SMCHD1: variants seen among roughly 807,000 people sequenced by gnomAD.
SMCHD1 encodes the protein structural maintenance of chromosomes flexible hinge domain containing 1.
A neutral mutation model predicts 254.7 loss-of-function variants in SMCHD1; 78 were observed. The ratio of observed to expected loss-of-function variants is 0.31; its 90% CI spans 0.26 to 0.37. The LOEUF is 0.37. Among genes scored for constraint, SMCHD1 ranks in the 10% least tolerant of loss-of-function variants. The pLI is 1.00. For missense variants in SMCHD1, 1,840 were observed against 2,408.1 expected, an observed-to-expected ratio of 0.76 and a Z score of 4.94; for synonymous variants, 766 against 794.9, an observed-to-expected ratio of 0.96 and a Z score of 0.61.
chr18:2,722,533 A>G lies in SMCHD1; in HGVS notation c.2473A>G (p.Lys825Glu). Residue 825 changes from lysine (K) to glutamate (E), a missense_variant, in exon 20 of 48, where the codon AAA becomes GAA. Lys to Glu is a moderately conservative substitution (Grantham distance 56, BLOSUM62 1). Around this residue, in one of 9 missense-constraint regions of SMCHD1, gnomAD observed 59 missense variants for 99.2 expected, o/e 0.59. Coordinates refer to ENST00000320876, the MANE Select transcript of SMCHD1 (RefSeq NM_015295.3). The stretch of plus-strand genomic sequence containing the variant: ...TTTTGTTAAAGAGGGTAAGCCAGAG[A>G]AATTTTCATTTGGTCTTCTGGATCT... Reference protein sequence around the residue: ...KFSVKEGKPEKFSFGLLDLPF... With the variant: ...KFSVKEGKPEEFSFGLLDLPF... The G allele has an allele frequency of 1.9e-6, 3 of 1,612,290 alleles. No individual in the cohort carries two copies. Among genetic ancestry groups the G allele is most frequent in the Non-Finnish European group, 1.7e-6 (2 of 1,179,264 alleles).
chr18:2,784,099 A>T (rs1265462310), intron 44 of SMCHD1, among the ~76,000 whole-genome samples: 1 of 152,186 alleles, frequency 6.6e-6, no homozygotes, highest in Non-Finnish European at 1.5e-5. Flanking sequence ...ACTTAAATCT[A>T]ACAGAGGAAA....
intron 13 of SMCHD1, among the ~76,000 whole-genome samples, chr18:2,704,681 G>T (rs2074476467): frequency 6.6e-6 from 1 of 150,590 alleles, no homozygotes; most frequent in Admixed American, 6.7e-5. Context: ...CTTTGGAAAA[G>T]AAGTAACATT....
chr18:2,802,402 A>C (rs765187737), intron 47 of SMCHD1, 126 bp from the exon 48 acceptor site: 3 of 698,690 alleles, frequency 4.3e-6, no homozygotes, highest in African/African-American at 1.8e-5. Flanking sequence ...AAATCTGTTT[A>C]TACCAAGAAT....
chr18:2,673,375 A>G lies in SMCHD1; in HGVS notation c.507+12A>G. 1 of 1,460,148 alleles carries G rather than the reference A, an allele frequency of 6.8e-7. No homozygotes were observed. Among genetic ancestry groups the G allele is most frequent in the South Asian group, 1.5e-5 (1 of 67,642 alleles). The allele number at this position is 1,460,148 out of a possible 1,614,324, so 90.4% of individuals were successfully genotyped here. A position where few individuals can be genotyped will look rare whatever the true frequency, so the allele number is the denominator to read the frequency against. The stretch of plus-strand genomic sequence containing the variant: ...TACAGATCAAATTGGTAAGGAAATA[A>G]TACTGTAAAGCAATTTAACTTTTCC... On this transcript the variant is annotated intron_variant, in intron 4 of 47. Coordinates refer to ENST00000320876, the MANE Select transcript of SMCHD1 (RefSeq NM_015295.3).
At chr18:2,777,746 T>C in intron 42 of SMCHD1, 60 bp from the exon 43 acceptor site, 2 of 918,224 alleles carry the variant, frequency 2.2e-6, no homozygotes, top group African/African-American at 3.3e-5. Context: ...CCATATTGTC[T>C]TTTTTTAAAT....
chr18:2,748,375 T>TGG, intron 30 of SMCHD1, among the ~76,000 whole-genome samples: 1 of 46,470 alleles, frequency 2.2e-5, no homozygotes, highest in Admixed American at 2.7e-4. Flanking sequence ...TGTGTGTGTG[T>TGG]GTGTGTGTAT....
At chr18:2,781,090 AG>A (rs1382641827) in intron 44 of SMCHD1, among the ~76,000 whole-genome samples, 1 of 152,190 alleles carries the variant, frequency 6.6e-6, no homozygotes, top group African/African-American at 2.4e-5. Flanking sequence ...GAGGGGCTTT[AG>A]GATAGGAGAC....
chr18:2,705,384 A>G (rs2074490395), intron 13 of SMCHD1, among the ~76,000 whole-genome samples: 1 of 152,166 alleles, frequency 6.6e-6, no homozygotes, highest in African/African-American at 2.4e-5. Context: ...TGGGGAAAAA[A>G]GGTTTCAGAT....
chr18:2,658,251 T>G (rs987006428), intron 1 of SMCHD1, among the ~76,000 whole-genome samples: 1 of 152,236 alleles, frequency 6.6e-6, no homozygotes, highest in African/African-American at 2.4e-5. Flanking sequence ...CCTCTAGAAA[T>G]GCACTATTTC....
chr18:2,699,552 G>A (rs1241720839), intron 10 of SMCHD1, among the ~76,000 whole-genome samples: 1 of 152,086 alleles, frequency 6.6e-6, no homozygotes, highest in South Asian at 2.1e-4. Context: ...GTTGCCAAGG[G>A]TAGTCTCAAA....
At chr18:2,794,207 C>T (rs898105787) in intron 45 of SMCHD1, among the ~76,000 whole-genome samples, 1 of 152,140 alleles carries the variant, frequency 6.6e-6, no homozygotes, top group Non-Finnish European at 1.5e-5. Context: ...GTAATCCCAG[C>T]ACTTCGGGAG....
At chr18:2,778,094 T>G (rs1411141169) in intron 43 of SMCHD1, 75 bp from the exon 44 acceptor site, 13 of 1,169,420 alleles carry the variant, frequency 1.1e-5, no homozygotes, top group Non-Finnish European at 1.6e-5. Flanking sequence ...AAGAAAGACT[T>G]GCAATGTGCA....
Position 2,783,191 on chromosome 18 carries a change from C to T in SMCHD1, c.5548-1259C>T, listed in dbSNP as rs373377546. ...CTTGTTGAGACATGTAAGTTTACTA[C>T]TTTTCATTATTAAAACAATATTTCC... On this transcript the variant is annotated intron_variant, in intron 44 of 47. Coordinates refer to ENST00000320876, the MANE Select transcript of SMCHD1 (RefSeq NM_015295.3). Among the ~76,000 whole-genome samples the T allele has an allele frequency of 1.8e-3, 281 of 152,274 alleles. 3 individuals are homozygous for T. The highest frequency in any genetic ancestry group is 1.9e-3 in the South Asian group (9 of 4,814).
chr18:2,697,928 G>A lies in SMCHD1; in HGVS notation c.1229G>A (p.Ser410Asn), dbSNP rs1165947109. The A allele has an allele frequency of 6.2e-7, 1 of 1,613,690 alleles. No individual in the cohort carries two copies. The highest frequency in any genetic ancestry group is 2.2e-5 in the East Asian group (1 of 44,810). Reference sequence around the variant, plus strand: ...TTGTATGTAAACACAGCAGCTGATAGTTTTGAATTCAAAGCTCATGTTGAA... The same window carrying A: ...TTGTATGTAAACACAGCAGCTGATAATTTTGAATTCAAAGCTCATGTTGAA... ...QTLYVNTAADSFEFKAHVEGD... is the reference protein window; with the variant it reads ...QTLYVNTAADNFEFKAHVEGD... The change falls in exon 10 of 48, where the codon AGT (serine) becomes AAT (asparagine). Residue 410 changes from serine to asparagine, a missense_variant. Physicochemically the swap from Ser to Asn is conservative, Grantham distance 46. Transcript: ENST00000320876.
intron 47 of SMCHD1, among the ~76,000 whole-genome samples, chr18:2,798,414 CTT>C (rs900901906): frequency 6.6e-6 from 1 of 152,144 alleles, no homozygotes; most frequent in African/African-American, 2.4e-5. Flanking sequence ...AGACATGTAA[CTT>C]TTAGAAATTA....
chr18:2,771,510 A>G, intron 39 of SMCHD1, 23 bp from the exon 40 acceptor site: 2 of 1,541,494 alleles, frequency 1.3e-6, no homozygotes, highest in Non-Finnish European at 1.7e-6. Context: ...AAATTGATGC[A>G]AATTTTTGGT....
chr18:2,663,271 ATT>A (rs112166951), intron 1 of SMCHD1, among the ~76,000 whole-genome samples: 2 of 145,188 alleles, frequency 1.4e-5, no homozygotes, highest in Admixed American at 6.9e-5. Context: ...ATGCCCAGCT[ATT>A]TTTTTTTTTT....
intron 47 of SMCHD1, among the ~76,000 whole-genome samples, chr18:2,799,551 ATATTG>A (rs2076322619): frequency 6.6e-6 from 1 of 152,174 alleles, no homozygotes; most frequent in Non-Finnish European, 1.5e-5. Context: ...GTTCAGGCAA[ATATTG>A]TACTAAGCAA....
intron 45 of SMCHD1, among the ~76,000 whole-genome samples, chr18:2,786,391 A>G (rs1159180868): frequency 1.3e-5 from 2 of 152,176 alleles, no homozygotes; most frequent in Non-Finnish European, 2.9e-5. Context: ...CTGCACTTAT[A>G]TTAAAAAATA....
Sources: gnomAD v4.1 joint callset for allele counts (sites outside exome capture counted in the v4.1 genomes callset) on GRCh38, gnomAD v4.1.1 for gene constraint, gnomAD v4.1.1 regional missense constraint, MANE v1.5 for transcripts, NCBI Gene and HGNC (gene_info 2026-07-23, HGNC 2026-07-21) for gene names.